Variants in C19orf18 observed in about 807,000 individuals in gnomAD.
The protein encoded by C19orf18 is uncharacterized protein C19orf18.
C19orf18 carries 21 observed loss-of-function variants against 23.3 expected under a neutral mutation model. That is an observed-to-expected ratio of 0.90 (90% CI 0.64 to 1.30). The LOEUF (loss-of-function observed/expected upper bound fraction) is 1.30. C19orf18 is among the 50% of genes most tolerant of loss of function. C19orf18 has a pLI of 0.00. For synonymous variants in C19orf18, 96 were observed against 95.2 expected (o/e 1.01, Z -0.05); for missense variants, 249 against 259.6 (o/e 0.96, Z 0.28).
In C19orf18 at chr19:57,974,461, G is replaced by A. The variant is rs375306403; in HGVS notation, c.-29C>T. On this transcript the variant is annotated 5_prime_UTR_variant, in exon 1 of 6. In the 5' UTR this introduces an upstream ATG that the reference lacks. Transcript: ENST00000314391. ...TCTCAAATTATCAGTATTTTATCCC[G>A]TAGATGAAAGGAAATACTTAGCTAC... The A allele has an allele frequency of 6.1e-5, 98 of 1,603,142 alleles. 1 individual carries two copies. The highest frequency in any genetic ancestry group is 3.5e-4 in the African/African-American group (24 of 68,362).
At chr19:57,963,984 C>G (rs956167635) in intron 4 of C19orf18, among the ~76,000 whole-genome samples, 1 of 151,978 alleles carries the variant, frequency 6.6e-6, no homozygotes, top group African/African-American at 2.4e-5. Context: ...GCAAACTTAC[C>G]AATAGTATTT....
At chr19:57,970,678 TCTC>T (rs2072938651) in intron 3 of C19orf18, among the ~76,000 whole-genome samples, 1 of 151,812 alleles carries the variant, frequency 6.6e-6, no homozygotes, top group Non-Finnish European at 1.5e-5. Context: ...CCTCCCGGGT[TCTC>T]CTACCTCAGC....
intron 4 of C19orf18, 119 bp downstream of exon 4, chr19:57,966,411 A>G (rs1026175177): frequency 1.5e-6 from 1 of 651,914 alleles, no homozygotes; most frequent in African/African-American, 1.8e-5. Flanking sequence ...GAAATTTATA[A>G]TGACCAATAC....
intron 2 of C19orf18, 65 bp downstream of exon 2, chr19:57,974,034 A>G: frequency 6.8e-7 from 1 of 1,476,458 alleles, no homozygotes; most frequent in South Asian, 1.1e-5. Context: ...ACACATTCAC[A>G]TGGCAGATAA....
At chr19:57,963,140 T>C (rs1182554027) in intron 4 of C19orf18, among the ~76,000 whole-genome samples, 3 of 151,268 alleles carry the variant, frequency 2.0e-5, no homozygotes, top group African/African-American at 7.3e-5. Flanking sequence ...GATTCTCCTG[T>C]CTCAGCCTCC....
At chr19:57,972,747 A>G (rs2072953525) in intron 2 of C19orf18, among the ~76,000 whole-genome samples, 1 of 152,024 alleles carries the variant, frequency 6.6e-6, no homozygotes, top group Non-Finnish European at 1.5e-5. Context: ...ATGAAGAATG[A>G]CCTTTAGGAA....
At chr19:57,960,898 G>A (rs1343019264) in intron 5 of C19orf18, among the ~76,000 whole-genome samples, 3 of 152,134 alleles carry the variant, frequency 2.0e-5, no homozygotes, top group Non-Finnish European at 2.9e-5. Flanking sequence ...CCAAGCCACA[G>A]GCCAGGCGCG....
At chr19:57,970,859 G>A (rs1215662835) in intron 3 of C19orf18, among the ~76,000 whole-genome samples, 2 of 152,020 alleles carry the variant, frequency 1.3e-5, no homozygotes, top group African/African-American at 4.8e-5. Context: ...TACTGCACCC[G>A]GACCATCAAC....
chr19:57,968,808 C>T (rs926379954), intron 3 of C19orf18, among the ~76,000 whole-genome samples: 1 of 152,200 alleles, frequency 6.6e-6, no homozygotes, highest in African/African-American at 2.4e-5. Flanking sequence ...CTAGCTATTT[C>T]CTAGAGACAG....
chr19:57,972,638 G>A, intron 2 of C19orf18, 134 bp from the exon 3 acceptor site: 4 of 938,996 alleles, frequency 4.3e-6, no homozygotes, highest in East Asian at 5.2e-5. Context: ...AAGATGGGAT[G>A]TGTTAATACA....
At chr19:57,972,346 T>C in intron 3 of C19orf18, 117 bp downstream of exon 3, 3 of 1,242,244 alleles carry the variant, frequency 2.4e-6, no homozygotes, top group Non-Finnish European at 3.4e-6. Context: ...CTAACACACA[T>C]GAAGGCACCA....
intron 3 of C19orf18, among the ~76,000 whole-genome samples, chr19:57,972,191 C>T (rs887168693): frequency 2.6e-5 from 4 of 152,202 alleles, no homozygotes; most frequent in African/African-American, 9.7e-5. Flanking sequence ...GCTGTGTGTG[C>T]CCATGCATTT....
chr19:57,972,733 T>G (rs1349247577), intron 2 of C19orf18, among the ~76,000 whole-genome samples: 7 of 152,236 alleles, frequency 4.6e-5, no homozygotes, highest in Non-Finnish European at 1.0e-4. Flanking sequence ...TGGTGCTTCC[T>G]GTCATGAAGA....
intron 4 of C19orf18, among the ~76,000 whole-genome samples, chr19:57,966,123 A>G (rs910117470): frequency 1.1e-4 from 16 of 151,494 alleles, no homozygotes; most frequent in African/African-American, 3.9e-4. Context: ...GACTACAGGC[A>G]CCCGCCACCA....
At chr19:57,963,041 T>C (rs1355838304) in intron 4 of C19orf18, among the ~76,000 whole-genome samples, 1 of 151,572 alleles carries the variant, frequency 6.6e-6, no homozygotes, top group East Asian at 1.9e-4. Context: ...TTTTTTTTTT[T>C]TGCAGATGGA....
intron 3 of C19orf18, among the ~76,000 whole-genome samples, chr19:57,970,412 C>T (rs535770029): frequency 6.6e-6 from 1 of 152,314 alleles, no homozygotes; most frequent in South Asian, 2.1e-4. Flanking sequence ...AACTTCTCCT[C>T]TTTGGAAATG....
intron 4 of C19orf18, among the ~76,000 whole-genome samples, chr19:57,963,407 CAG>C (rs1380886849): frequency 6.6e-6 from 1 of 151,950 alleles, no homozygotes; most frequent in Non-Finnish European, 1.5e-5. Flanking sequence ...AGATTGTAAA[CAG>C]AGATAGGATC....
At chr19:57,962,964 C>A (rs1247095208) in intron 4 of C19orf18, among the ~76,000 whole-genome samples, 2 of 151,536 alleles carry the variant, frequency 1.3e-5, no homozygotes, top group African/African-American at 4.9e-5. Context: ...GTGCTCGCCT[C>A]AGTGCGAAAT....
intron 3 of C19orf18, among the ~76,000 whole-genome samples, chr19:57,971,719 C>T (rs2072945695): frequency 6.6e-6 from 1 of 152,142 alleles, no homozygotes; most frequent in Admixed American, 6.5e-5. Flanking sequence ...GATTCATCCA[C>T]CTCGGCCTTC....
Sources: gnomAD v4.1 joint callset for allele counts (sites outside exome capture counted in the v4.1 genomes callset) on GRCh38, gnomAD v4.1.1 for gene constraint, MANE v1.5 for transcripts, NCBI Gene and HGNC (gene_info 2026-07-23, HGNC 2026-07-21) for gene names.